ATP8A2: variants seen among roughly 807,000 people sequenced by gnomAD.
The protein encoded by ATP8A2 is ATPase phospholipid transporting 8A2.
ATP8A2 carries 100 observed loss-of-function variants against 165.6 expected under a neutral mutation model. The observed-to-expected ratio is 0.60, with a 90% CI of 0.51 to 0.71. The LOEUF (loss-of-function observed/expected upper bound fraction) is 0.71. Among genes scored for constraint, ATP8A2 ranks in the 30% least tolerant of loss-of-function variants. The pLI, the probability that ATP8A2 is intolerant of heterozygous loss-of-function variation, is 0.00. For synonymous variants in ATP8A2, 543 were observed against 548.8 expected (o/e 0.99, Z 0.15); for missense variants, 1,227 against 1,479.5 (o/e 0.83, Z 2.80).
At chr13:25,721,206 CTT>C (rs994203238) in intron 25 of ATP8A2, among the ~76,000 whole-genome samples, 1 of 142,276 alleles carries the variant, frequency 7.0e-6, no homozygotes, top group African/African-American at 2.6e-5. Context: ...TTCAAGTGAG[CTT>C]TTTTTTTTTT....
At chr13:25,736,742 C>G (rs568321281) in intron 25 of ATP8A2, among the ~76,000 whole-genome samples, 6 of 152,050 alleles carry the variant, frequency 3.9e-5, no homozygotes, top group Non-Finnish European at 8.8e-5. Context: ...GGATTTGACC[C>G]GGGGCAATAG....
intron 30 of ATP8A2, among the ~76,000 whole-genome samples, chr13:25,858,831 A>G (rs1952247626): frequency 6.6e-6 from 1 of 152,204 alleles, no homozygotes; most frequent in Non-Finnish European, 1.5e-5. Flanking sequence ...CTCAACATTG[A>G]GTACACATGA....
intron 7 of ATP8A2, among the ~76,000 whole-genome samples, chr13:25,539,060 AGTGTGTGTGTGT>A (rs57382485): frequency 1.2e-3 from 164 of 137,512 alleles, no homozygotes; most frequent in East Asian, 6.8e-3. Context: ...TAGAAAATTT[AGTGTGTGTGTGT>A]GTGTGTGTGT....
intron 23 of ATP8A2, among the ~76,000 whole-genome samples, chr13:25,583,600 C>T (rs1566299317): frequency 1.3e-5 from 2 of 152,152 alleles, no homozygotes; most frequent in Non-Finnish European, 2.9e-5. Context: ...GGAGCACACG[C>T]AGCCCTTTTT....
intron 33 of ATP8A2, among the ~76,000 whole-genome samples, chr13:25,939,539 C>T (rs1012665440): frequency 6.6e-6 from 1 of 152,252 alleles, no homozygotes; most frequent in Middle Eastern, 3.4e-3. Context: ...GTTTGCCACT[C>T]TTCTTCCTGA....
chr13:25,383,848 C>A (rs1234243034), intron 1 of ATP8A2, among the ~76,000 whole-genome samples: 2 of 152,132 alleles, frequency 1.3e-5, no homozygotes, highest in African/African-American at 2.4e-5. Context: ...CTACCCCTGA[C>A]TCTCCCCTAC....
chr13:25,476,286 T>G (rs995196693), intron 2 of ATP8A2, among the ~76,000 whole-genome samples: 5 of 151,944 alleles, frequency 3.3e-5, no homozygotes, highest in Admixed American at 1.3e-4. Flanking sequence ...GTTAGAATCA[T>G]AACTTTTTTT....
chr13:25,844,676 C>T (rs1951818922), intron 30 of ATP8A2, among the ~76,000 whole-genome samples: 1 of 152,150 alleles, frequency 6.6e-6, no homozygotes, highest in African/African-American at 2.4e-5. Context: ...TCAGGACTCT[C>T]CCCTCCTGCA....
chr13:25,741,657 A>C (rs966908537), intron 25 of ATP8A2, among the ~76,000 whole-genome samples: 2 of 152,062 alleles, frequency 1.3e-5, no homozygotes, highest in Non-Finnish European at 2.9e-5. Flanking sequence ...GATTACAGGC[A>C]TGAGCCACCA....
chr13:25,576,486 G>A (rs2039622201), intron 19 of ATP8A2, among the ~76,000 whole-genome samples: 2 of 152,088 alleles, frequency 1.3e-5, no homozygotes, highest in South Asian at 4.2e-4. Context: ...GAATTCATAG[G>A]CGGTGGAGAC....
chr13:25,671,579 A>G (rs1200089826), intron 24 of ATP8A2, among the ~76,000 whole-genome samples: 4 of 152,116 alleles, frequency 2.6e-5, no homozygotes, highest in Non-Finnish European at 4.4e-5. Flanking sequence ...GTCGTCTCTT[A>G]TGGTCGAGAC....
chr13:25,571,066 G>A (rs1304325709), intron 17 of ATP8A2, among the ~76,000 whole-genome samples, 194 bp downstream of exon 17: 1 of 152,198 alleles, frequency 6.6e-6, no homozygotes. Flanking sequence ...TGACTCTCAT[G>A]ACTCTTTTTT....
chr13:25,571,459 A>G (rs2039465694), intron 17 of ATP8A2, 151 bp from the exon 18 acceptor site: 2 of 600,830 alleles, frequency 3.3e-6, no homozygotes, highest in Admixed American at 3.0e-5. Flanking sequence ...TAGGAAAAGC[A>G]AGTGCTTCTC....
chr13:25,442,227 C>G (rs1017928243), intron 1 of ATP8A2, among the ~76,000 whole-genome samples: 1 of 152,182 alleles, frequency 6.6e-6, no homozygotes, highest in African/African-American at 2.4e-5. Context: ...TATCTTTGAA[C>G]CCTGCTTTCC....
chr13:25,428,686 C>T (rs1415429098), intron 1 of ATP8A2, among the ~76,000 whole-genome samples: 1 of 152,092 alleles, frequency 6.6e-6, no homozygotes, highest in Non-Finnish European at 1.5e-5. Context: ...GTATAACAGA[C>T]CCCCAAATAT....
At chr13:25,421,013 G>A (rs2034283906) in intron 1 of ATP8A2, among the ~76,000 whole-genome samples, 2 of 152,132 alleles carry the variant, frequency 1.3e-5, no homozygotes, top group African/African-American at 4.8e-5. Context: ...CTAAAGCTTT[G>A]ATTGAGGTTC....
intron 33 of ATP8A2, among the ~76,000 whole-genome samples, chr13:25,888,919 T>C (rs1172164011): frequency 6.6e-6 from 1 of 152,118 alleles, no homozygotes; most frequent in African/African-American, 2.4e-5. Flanking sequence ...TTTATTGAAA[T>C]CACTAGTTTT....
At chr13:26,012,838 G>A (rs1488523124) in intron 36 of ATP8A2, among the ~76,000 whole-genome samples, 1 of 152,144 alleles carries the variant, frequency 6.6e-6, no homozygotes, top group Admixed American at 6.5e-5. Context: ...CACAAAATCC[G>A]TAAACTTAAA....
At chr13:25,699,768 CG>C (rs2042912750) in intron 25 of ATP8A2, among the ~76,000 whole-genome samples, 1 of 151,606 alleles carries the variant, frequency 6.6e-6, no homozygotes, top group South Asian at 2.1e-4. Flanking sequence ...GAGCTTTGGT[CG>C]GGTTCATGTG....
Sources: gnomAD v4.1 joint callset for allele counts (sites outside exome capture counted in the v4.1 genomes callset) on GRCh38, gnomAD v4.1.1 for gene constraint, MANE v1.5 for transcripts, NCBI Gene and HGNC (gene_info 2026-07-23, HGNC 2026-07-21) for gene names.